MYCBP2: variants seen among roughly 807,000 people sequenced by gnomAD.
MYCBP2 encodes the protein E3 ubiquitin-protein ligase MYCBP2.
A neutral mutation model predicts 525.3 loss-of-function variants in MYCBP2; 120 were observed. That is an observed-to-expected ratio of 0.23 (90% confidence interval 0.20 to 0.27). MYCBP2 has a LOEUF of 0.27. MYCBP2 is among the 10% of genes least tolerant of loss of function. The probability of loss-of-function intolerance (pLI) is 1.00; values close to 1 mark genes in which losing one functional copy is unlikely to be tolerated. For synonymous variants in MYCBP2, 1,894 were observed against 1,955.8 expected (o/e 0.97, Z 0.83); for missense variants, 4,149 against 5,657.1 (o/e 0.73, Z 8.55).
chr13:77,233,225 G>C lies in MYCBP2; in HGVS notation c.2668C>G (p.Arg890Gly). 1 of 1,613,828 alleles carries C rather than the reference G, an allele frequency of 6.2e-7. No individual in the cohort carries two copies. Among genetic ancestry groups the C allele is most frequent in the Non-Finnish European group, 8.5e-7 (1 of 1,179,824 alleles). Reference sequence around the variant, plus strand: ...CTGAGTCTGGCTAGAGCCTGTTCTCGATGGTTCATAAAAATAGGACCAGCA... The same window carrying C: ...CTGAGTCTGGCTAGAGCCTGTTCTCCATGGTTCATAAAAATAGGACCAGCA... ...VFAGPIFMNH[R>G]EQALARLRSH... The change falls in exon 18 of 83, where the codon CGA becomes GGA. Residue 890 changes from arginine to glycine, a missense_variant. Physicochemically the swap from Arg to Gly is moderately radical, Grantham distance 125. This residue lies in a region of MYCBP2 where 620 missense variants were observed against 795.5 expected (regional missense o/e 0.78). Coordinates refer to ENST00000544440, the MANE Select transcript of MYCBP2 (RefSeq NM_015057.5).
intron 1 of MYCBP2, among the ~76,000 whole-genome samples, chr13:77,296,964 G>A (rs1226090215): frequency 1.3e-5 from 2 of 152,134 alleles, no homozygotes; most frequent in Non-Finnish European, 2.9e-5. Context: ...CAAATGAAGT[G>A]TTTTATACTT....
At chr13:77,315,942 G>C (rs1003033754) in intron 1 of MYCBP2, among the ~76,000 whole-genome samples, 6 of 149,700 alleles carry the variant, frequency 4.0e-5, no homozygotes, top group Non-Finnish European at 8.9e-5. Context: ...AAAACTATCA[G>C]CAAAGTAGGA....
intron 68 of MYCBP2, among the ~76,000 whole-genome samples, chr13:77,074,448 G>T (rs980240008): frequency 6.6e-6 from 1 of 152,054 alleles, no homozygotes; most frequent in South Asian, 2.1e-4. Flanking sequence ...AGAAAAAACT[G>T]GACTTTATCA....
rs751057590 is a variant in MYCBP2 at position 77,191,772 on chromosome 13, T to G, written c.3977A>C (p.Gln1326Pro). 3.7e-6 allele frequency: 6 copies of G among 1,614,090 alleles called. No homozygotes were observed. The Admixed American group carries it at 1.0e-4, about 27-fold the overall frequency. ...AMMFDEPVLL[Q>P]AGWWYVAWAR... ...CCATGCCACATACCACCACCCAGCT[T>G]GCAGGAGAACAGGCTCATCAAACAT... The change falls in exon 28 of 83, where the codon CAA becomes CCA. Residue 1326 changes from glutamine (Q) to proline (P), a missense_variant. Transcript: ENST00000544440.
intron 17 of MYCBP2, among the ~76,000 whole-genome samples, chr13:77,242,046 G>A (rs1230806678): frequency 1.3e-5 from 2 of 152,060 alleles, no homozygotes; most frequent in African/African-American, 2.4e-5. Flanking sequence ...ACTGAGCAAG[G>A]AAATCTTTAG....
At position 77,099,011 on chromosome 13, in the gene MYCBP2, C is replaced by T. The variant is rs1303145707; in HGVS notation, c.8143G>A (p.Asp2715Asn). The change falls in exon 56 of 83, where the codon GAT becomes AAT. Residue 2715 changes from aspartate (D) to asparagine (N), a missense_variant and splice_region_variant. By Grantham distance (23) the Asp-to-Asn change is conservative (BLOSUM62 1). Transcript: ENST00000544440. Reference sequence around the variant, plus strand: ...GAAGATGTTGAGATGTTTCCTCGATCACCTGTATGGTCCATTTTACAGTGA... The same window carrying T: ...GAAGATGTTGAGATGTTTCCTCGATTACCTGTATGGTCCATTTTACAGTGA... ...FDYGLGNSKG[D>N]RGNISTSSKP... 2 of 1,604,304 alleles carry T rather than the reference C, an allele frequency of 1.2e-6. No individual in the cohort carries two copies. The highest frequency in any genetic ancestry group is 3.3e-5 in the Admixed American group (2 of 59,834).
chr13:77,071,073 G>C (rs1449613986), intron 68 of MYCBP2, among the ~76,000 whole-genome samples: 1 of 152,054 alleles, frequency 6.6e-6, no homozygotes, highest in African/African-American at 2.4e-5. Flanking sequence ...TAAAAGGAAA[G>C]TGTCCTAACA....
At chr13:77,256,371 C>T (rs1360273871) in intron 14 of MYCBP2, among the ~76,000 whole-genome samples, 1 of 151,972 alleles carries the variant, frequency 6.6e-6, no homozygotes, top group Admixed American at 6.6e-5. Flanking sequence ...CAAAGAAGCA[C>T]TATTTTATGT....
rs146792401 is a variant in MYCBP2 at position 77,257,926 on chromosome 13, A to T, written c.2018-97T>A. On this transcript the variant is annotated intron_variant, in intron 13 of 82. Transcript: ENST00000544440. ...ATGCAGAACCGTTTATTTCTGGGGC[A>T]AAATAACTCAACAAAATGAGAAATA... 1.1e-3 allele frequency: 1,005 copies of T among 924,884 alleles called. 10 individuals are homozygous for T. In the East Asian group the frequency reaches 0.023, roughly 21 times the overall value. The allele number at this position is 924,884 out of a possible 1,614,324, so 57.3% of individuals were successfully genotyped here. A position where few individuals can be genotyped will look rare whatever the true frequency, so the allele number is the denominator to read the frequency against.
chr13:77,206,635 A>T lies in MYCBP2; in HGVS notation c.3589+18T>A. The T allele has an allele frequency of 6.5e-7, 1 of 1,542,980 alleles. No individual in the cohort carries two copies. Among genetic ancestry groups the T allele is most frequent in the Non-Finnish European group, 8.8e-7 (1 of 1,141,890 alleles). On this transcript the variant is annotated intron_variant, in intron 24 of 82. Transcript: ENST00000544440. ...ACACATTAATGTGAATTAATGGTACATCAAATCGCAACCCTACCTAAAATG... is the reference window on the plus strand; with the variant it reads ...ACACATTAATGTGAATTAATGGTACTTCAAATCGCAACCCTACCTAAAATG...
At chr13:77,281,645 G>A (rs1269270388) in intron 3 of MYCBP2, among the ~76,000 whole-genome samples, 2 of 152,070 alleles carry the variant, frequency 1.3e-5, no homozygotes, top group Admixed American at 6.5e-5. Context: ...ATAATTACCT[G>A]ATACAGCCAG....
rs543877711 is a variant in MYCBP2, at chr13:77,262,042, GAAT to G, written c.1647+8_1647+10del. The G allele has an allele frequency of 3.0e-4, 477 of 1,603,792 alleles. 2 individuals carry two copies. In the African/African-American group the frequency reaches 5.6e-3, roughly 19 times the overall value. ...AGAATGCTCATTTTTAATCCAAAGA[GAAT>G]AATTTACCTTTCCATTTGCTGTTTT... On this transcript the variant is annotated splice_region_variant and intron_variant, in intron 11 of 82. Transcript: ENST00000544440.
intron 55 of MYCBP2, among the ~76,000 whole-genome samples, chr13:77,113,109 T>C (rs182570981): frequency 6.6e-5 from 10 of 152,304 alleles, no homozygotes; most frequent in African/African-American, 1.2e-4. Flanking sequence ...TTGTGATTCA[T>C]TGGATCTCTG....
chr13:77,128,073 A>T lies in MYCBP2; in HGVS notation c.7660-1531T>A, dbSNP rs373889859. Among the ~76,000 whole-genome samples the T allele has an allele frequency of 3.7e-4, 57 of 152,016 alleles. 2 individuals are homozygous for T. In the South Asian group the frequency reaches 0.011, roughly 30 times the overall value. On this transcript the variant is annotated intron_variant, in intron 52 of 82. Coordinates refer to ENST00000544440, the MANE Select transcript of MYCBP2 (RefSeq NM_015057.5). Reference sequence around the variant, plus strand: ...TTACAACCGAAAATAAATGTAAAATACGCATTTTATATACTCATCATATAT... The same window carrying T: ...TTACAACCGAAAATAAATGTAAAATTCGCATTTTATATACTCATCATATAT...
At chr13:77,301,422 CAAAAAAAAAA>C (rs11338423) in intron 1 of MYCBP2, among the ~76,000 whole-genome samples, 1 of 40,508 alleles carries the variant, frequency 2.5e-5, no homozygotes, top group African/African-American at 8.9e-5. Flanking sequence ...GACTCCATCT[CAAAAAAAAAA>C]AAAAAAAAAA....
intron 52 of MYCBP2, among the ~76,000 whole-genome samples, chr13:77,137,914 T>TC (rs1487067359): frequency 6.6e-6 from 1 of 150,662 alleles, no homozygotes; most frequent in Non-Finnish European, 1.5e-5. Context: ...AAAAACCAAC[T>TC]CCCCCTTGCC....
intron 17 of MYCBP2, among the ~76,000 whole-genome samples, chr13:77,237,901 T>C (rs2068174380): frequency 6.6e-6 from 1 of 152,158 alleles, no homozygotes; most frequent in Non-Finnish European, 1.5e-5. Context: ...TAATATTGGA[T>C]TTGATGCGTC....
intron 9 of MYCBP2, 62 bp from the exon 10 acceptor site, chr13:77,263,851 G>A (rs2154339776): frequency 1.2e-6 from 2 of 1,607,660 alleles, no homozygotes; most frequent in Non-Finnish European, 1.7e-6. Context: ...AGGCTCTACA[G>A]TCTATCTAAT....
intron 71 of MYCBP2, among the ~76,000 whole-genome samples, chr13:77,066,361 T>C (rs2040197581): frequency 6.6e-6 from 1 of 152,244 alleles, no homozygotes; most frequent in Non-Finnish European, 1.5e-5. Flanking sequence ...ACACGACTTA[T>C]TTCTAGGGCA....
Sources: allele counts gnomAD v4.1 joint callset (sites outside exome capture counted in the v4.1 genomes callset), GRCh38; gene constraint gnomAD v4.1.1; regional missense constraint gnomAD v4.1.1; transcripts MANE v1.5; gene names NCBI Gene and HGNC (gene_info 2026-07-23, HGNC 2026-07-21).